Variants in CCDC186 observed in about 807,000 individuals in gnomAD.
CCDC186 encodes the protein coiled-coil domain containing 186, also known as coiled-coil domain-containing protein 186.
In CCDC186, 49 loss-of-function variants were observed where a neutral mutation model predicts 113.7. That is an observed-to-expected ratio of 0.43 (90% CI 0.34 to 0.55). The LOEUF (loss-of-function observed/expected upper bound fraction) is 0.55, where lower values mean the gene tolerates loss of function less well. CCDC186 is among the 20% of genes least tolerant of loss of function. The pLI is 0.02. For synonymous variants in CCDC186, 355 were observed against 345.8 expected, an observed-to-expected ratio of 1.03 and a Z score of -0.30; for missense variants, 890 against 1,011.1, an observed-to-expected ratio of 0.88 and a Z score of 1.62.
intron 4 of CCDC186, among the ~76,000 whole-genome samples, chr10:114,146,284 T>C (rs2031638725): frequency 6.6e-6 from 1 of 152,234 alleles, no homozygotes; most frequent in Admixed American, 6.5e-5. Context: ...ACCTGCTCCT[T>C]GTCCAGCAGC....
chr10:114,151,127 G>GCTGAACTGC lies in CCDC186; in HGVS notation c.844_852dup (p.Ala282_Gln284dup). On this transcript the variant is annotated inframe_insertion, in exon 4 of 16. Transcript: ENST00000369287. ...CGTTGGGCCATCTCTTTGTGTAACTGCTGAACTGCATTTTTAGCTGTAACG... is the reference window on the plus strand; with the variant it reads ...CGTTGGGCCATCTCTTTGTGTAACTGCTGAACTGCCTGAACTGCATTTTTAGCTGTAACG... 1 of 1,613,816 alleles carries GCTGAACTGC rather than the reference G, an allele frequency of 6.2e-7. No individual in the cohort carries two copies. Among genetic ancestry groups the GCTGAACTGC allele is most frequent in the East Asian group, 2.2e-5 (1 of 44,852 alleles).
Position 114,163,334 on chromosome 10 carries a change from GA to G in CCDC186, c.-61-6del. Reference sequence around the variant, plus strand: ...CTCCTGATCTTCGTTTTACATCTAAGAAATTGAAACATCAAAATTAAAAACC... The same window carrying G: ...CTCCTGATCTTCGTTTTACATCTAAGAATTGAAACATCAAAATTAAAAACC... On this transcript the variant is annotated splice_polypyrimidine_tract_variant and splice_region_variant and intron_variant, in intron 1 of 15. Coordinates refer to ENST00000369287, the MANE Select transcript of CCDC186 (RefSeq NM_018017.4). 1 of 1,536,092 alleles carries G rather than the reference GA, an allele frequency of 6.5e-7. No individual in the cohort carries two copies. Among genetic ancestry groups the G allele is most frequent in the Non-Finnish European group, 8.7e-7 (1 of 1,153,216 alleles).
intron 10 of CCDC186, 46 bp from the exon 11 acceptor site, chr10:114,132,230 A>G: frequency 7.5e-7 from 1 of 1,335,016 alleles, no homozygotes; most frequent in Non-Finnish European, 1.0e-6. Context: ...CCATTAAAAG[A>G]CATTAAATTA....
chr10:114,169,679 T>G (rs536114171), intron 1 of CCDC186, among the ~76,000 whole-genome samples: 14 of 152,326 alleles, frequency 9.2e-5, no homozygotes, highest in African/African-American at 2.9e-4. Context: ...TCAAAAGAGT[T>G]TGTATTCTCC....
chr10:114,141,409 T>C (rs921685380), intron 6 of CCDC186, among the ~76,000 whole-genome samples: 1 of 152,228 alleles, frequency 6.6e-6, no homozygotes, highest in African/African-American at 2.4e-5. Context: ...CTTTTAAAGT[T>C]TTGTTAAGGC....
chr10:114,129,807 G>T, intron 13 of CCDC186, 84 bp downstream of exon 13: 1 of 1,195,104 alleles, frequency 8.4e-7, no homozygotes, highest in Non-Finnish European at 1.2e-6. Context: ...TGGGATTACA[G>T]GTGTGAGCCA....
rs761956335 is a variant in CCDC186 at position 114,135,974 on chromosome 10, G to C, written c.1429C>G (p.His477Asp). Residue 477 changes from histidine to aspartate, a missense_variant, in exon 9 of 16, where the codon CAT becomes GAT. Physicochemically the swap from His to Asp is moderately conservative, Grantham distance 81. Transcript: ENST00000369287. ...TCTAGTTCCTTTATTTTGGCATGAT[G>C]CATCTTTAAAAAAGTTTAAAAGAAA... ...MQEKSDQLEMHHAKIKELEDL... is the reference protein window; with the variant it reads ...MQEKSDQLEMDHAKIKELEDL... The C allele has an allele frequency of 6.2e-7, 1 of 1,610,594 alleles. No individual in the cohort carries two copies. Among genetic ancestry groups the C allele is most frequent in the Admixed American group, 1.7e-5 (1 of 59,944 alleles).
intron 6 of CCDC186, among the ~76,000 whole-genome samples, chr10:114,138,591 A>C (rs891045919): frequency 6.6e-6 from 1 of 151,942 alleles, no homozygotes; most frequent in Non-Finnish European, 1.5e-5. Context: ...TTCTGTTCCT[A>C]ACCATTCTCC....
In CCDC186 at chr10:114,174,164, T is replaced by A. The variant is rs1412803607; in HGVS notation, c.-211A>T. On this transcript the variant is annotated 5_prime_UTR_variant, in exon 1 of 16. Coordinates refer to ENST00000369287, the MANE Select transcript of CCDC186 (RefSeq NM_018017.4). ...CAGCCGACGCCTCACTCAGCGGCCG[T>A]TTCCCCAAACCCCTGCGGAGCTGAC... 2.1e-6 allele frequency: 1 copy of A among 466,904 alleles called. No homozygotes were observed. The highest frequency in any genetic ancestry group is 2.4e-5 in the Admixed American group (1 of 42,098). The allele number at this position is 466,904 out of a possible 1,614,324, so 28.9% of individuals were successfully genotyped here. A position where few individuals can be genotyped will look rare whatever the true frequency, so the allele number is the denominator to read the frequency against.
intron 2 of CCDC186, chr10:114,161,583 G>T (rs1349760933): frequency 6.6e-6 from 1 of 152,108 alleles, no homozygotes; most frequent in Non-Finnish European, 1.5e-5. Flanking sequence ...CCTATAAAAT[G>T]CAAGAATAGC....
intron 6 of CCDC186, among the ~76,000 whole-genome samples, chr10:114,142,373 T>C (rs1028969733): frequency 2.0e-5 from 3 of 152,246 alleles, no homozygotes; most frequent in Non-Finnish European, 4.4e-5. Context: ...GCACCCAGCA[T>C]AGTCAAACCA....
rs749053944 is a variant in CCDC186, at chr10:114,162,630, A to C, written c.632+7T>G. On this transcript the variant is annotated splice_region_variant and intron_variant, in intron 2 of 15. Coordinates refer to ENST00000369287, the MANE Select transcript of CCDC186 (RefSeq NM_018017.4). ...AAAAAAATAACCTAAAGGTATAAAA[A>C]ACTTACTTTTTTATGATATGTTCCT... The C allele has an allele frequency of 3.2e-6, 5 of 1,540,632 alleles. No individual in the cohort carries two copies. The highest frequency in any genetic ancestry group is 1.7e-4 in the Middle Eastern group (1 of 5,744).
chr10:114,143,338 C>T (rs2031536793), intron 6 of CCDC186, among the ~76,000 whole-genome samples: 1 of 152,154 alleles, frequency 6.6e-6, no homozygotes, highest in Non-Finnish European at 1.5e-5. Context: ...AGGAAAGTAC[C>T]ACAGATATCA....
chr10:114,142,806 T>C (rs2031512795), intron 6 of CCDC186, among the ~76,000 whole-genome samples: 1 of 152,060 alleles, frequency 6.6e-6, no homozygotes, highest in African/African-American at 2.4e-5. Context: ...CCAGAAAGGG[T>C]GCCTCAAGAA....
At chr10:114,127,720 C>G in intron 13 of CCDC186, 49 bp from the exon 14 acceptor site, 1 of 1,414,650 alleles carries the variant, frequency 7.1e-7, no homozygotes, top group Non-Finnish European at 9.9e-7. Flanking sequence ...TCTAACATCA[C>G]CTCTCATCTC....
chr10:114,173,070 A>G (rs1280495772), intron 1 of CCDC186: 1 of 370,248 alleles, frequency 2.7e-6, no homozygotes, highest in Non-Finnish European at 5.5e-6. Context: ...CACCCGGCCT[A>G]TCGTTTTGGA....
intron 1 of CCDC186, among the ~76,000 whole-genome samples, chr10:114,171,108 T>G (rs765259074): frequency 3.3e-5 from 5 of 152,154 alleles, no homozygotes; most frequent in African/African-American, 4.8e-5. Context: ...GAAATCTAAT[T>G]TGAAGATTGC....
chr10:114,155,764 C>A (rs1433318912), intron 3 of CCDC186, among the ~76,000 whole-genome samples: 1 of 151,926 alleles, frequency 6.6e-6, no homozygotes, highest in Non-Finnish European at 1.5e-5. Context: ...ATTATCATTC[C>A]AATATTATCA....
Position 114,122,158 on chromosome 10 carries a change from C to T in CCDC186, c.*2985G>A, listed in dbSNP as rs1410716038. On this transcript the variant is annotated 3_prime_UTR_variant, in exon 16 of 16. Coordinates refer to ENST00000369287, the MANE Select transcript of CCDC186 (RefSeq NM_018017.4). ...TGAACTCCATGAGGATGGAAATGCC[C>T]TGGTCTGCTCACTAGTATAAATACA... 1 of 152,138 alleles carries T rather than the reference C, an allele frequency of 6.6e-6. No homozygotes were observed. Among genetic ancestry groups the T allele is most frequent in the Non-Finnish European group, 1.5e-5 (1 of 68,038 alleles). The allele number at this position is 152,138 out of a possible 1,614,324, so 9.4% of individuals were successfully genotyped here.
Sources: allele counts gnomAD v4.1 joint callset (sites outside exome capture counted in the v4.1 genomes callset), GRCh38; gene constraint gnomAD v4.1.1; transcripts MANE v1.5; gene names NCBI Gene and HGNC (gene_info 2026-07-23, HGNC 2026-07-21).